Variants in TCAF1 observed in about 807,000 individuals in gnomAD.
TCAF1 encodes TRPM8 channel-associated factor 1.
A neutral mutation model predicts 27.3 loss-of-function variants in TCAF1; 4 were observed. The observed-to-expected ratio is 0.15, with a 90% confidence interval of 0.07 to 0.34. The LOEUF (loss-of-function observed/expected upper bound fraction) is 0.34. TCAF1 is among the 10% of genes least tolerant of loss of function. The probability of loss-of-function intolerance (pLI) is 1.00; values close to 1 mark genes in which losing one functional copy is unlikely to be tolerated. For missense variants in TCAF1, 257 were observed against 425.8 expected (o/e 0.60, Z 3.49); for synonymous variants, 105 against 167.1 (o/e 0.63, Z 2.87).
At chr7:143,901,755 C>T (rs1814124034) in intron 1 of TCAF1, among the ~76,000 whole-genome samples, 1 of 152,202 alleles carries the variant, frequency 6.6e-6, no homozygotes, top group South Asian at 2.1e-4. Flanking sequence ...GCCTCCTGCC[C>T]AGCAGAGGGC....
chr7:143,883,662 C>T (rs1431637016), intron 1 of TCAF1, among the ~76,000 whole-genome samples: 2 of 152,026 alleles, frequency 1.3e-5, no homozygotes, highest in East Asian at 1.9e-4. Context: ...CCCGCCATCA[C>T]GCCTGGCTAA....
intron 1 of TCAF1, among the ~76,000 whole-genome samples, chr7:143,890,846 A>G (rs1813609195): frequency 6.6e-6 from 1 of 152,160 alleles, no homozygotes; most frequent in African/African-American, 2.4e-5. Context: ...TTCCTAAGCT[A>G]TGCATGCAAT....
chr7:143,876,317 G>C lies in TCAF1; in HGVS notation c.292C>G (p.Leu98Val), dbSNP rs1812705027. 1 of 1,614,106 alleles carries C rather than the reference G, an allele frequency of 6.2e-7. No homozygotes were observed. The highest frequency in any genetic ancestry group is 8.5e-7 in the Non-Finnish European group (1 of 1,180,046). The change falls in exon 2 of 9, where the codon CTG (leucine) becomes GTG (valine). Residue 98 changes from leucine to valine, a missense_variant. Coordinates refer to ENST00000479870, the MANE Select transcript of TCAF1 (RefSeq NM_014719.3). ...TCGAGGATTTTGGCCAAAGGTGCCA[G>C]GGATGGGTGTACACCAATGGGAGCC... The part of the protein sequence containing the change: ...PGAPIGVHPS[L>V]APLAKILEGS...
rs1812680036 is a variant in TCAF1 at position 143,876,058 on chromosome 7, G to A, written c.551C>T (p.Thr184Ile). ...LVTSVAGIYFTDNKGDTSFFK... is the reference protein window; with the variant it reads ...LVTSVAGIYFIDNKGDTSFFK... ...GAAACTCGTGTCCCCTTTGTTGTCAGTAAAGTAAATGCCAGCCACACTGGT... is the reference window on the plus strand; with the variant it reads ...GAAACTCGTGTCCCCTTTGTTGTCAATAAAGTAAATGCCAGCCACACTGGT... The change falls in exon 2 of 9, where the codon ACT becomes ATT. Residue 184 changes from threonine (T) to isoleucine (I), a missense_variant. Physicochemically the swap from Thr to Ile is moderately conservative, Grantham distance 89 (BLOSUM62 -1). Transcript: ENST00000479870. 1.2e-6 allele frequency: 2 copies of A among 1,608,404 alleles called. No individual in the cohort carries two copies. Among genetic ancestry groups the A allele is most frequent in the Non-Finnish European group, 8.5e-7 (1 of 1,176,834 alleles).
intron 6 of TCAF1, among the ~76,000 whole-genome samples, 162 bp downstream of exon 6, chr7:143,860,046 T>TATATTATATATATA (rs1811937144): frequency 3.1e-5 from 2 of 64,262 alleles, no homozygotes; most frequent in Non-Finnish European, 5.3e-5. Context: ...TAATATATAA[T>TATATTATATATATA]ATATATTATA....
chr7:143,889,044 C>T (rs1813535862), intron 1 of TCAF1, among the ~76,000 whole-genome samples: 2 of 151,632 alleles, frequency 1.3e-5, no homozygotes, highest in Admixed American at 1.3e-4. Context: ...ATTGAAGAGA[C>T]TAAATAGAAG....
intron 1 of TCAF1, among the ~76,000 whole-genome samples, chr7:143,891,167 C>T (rs1813621108): frequency 6.6e-6 from 1 of 152,182 alleles, no homozygotes; most frequent in South Asian, 2.1e-4. Context: ...TATCTGCCCA[C>T]TTCCCCAAAA....
intron 1 of TCAF1, among the ~76,000 whole-genome samples, chr7:143,893,163 G>C (rs1328182856): frequency 6.6e-6 from 1 of 152,126 alleles, no homozygotes; most frequent in African/African-American, 2.4e-5. Flanking sequence ...CTGTCAGCAA[G>C]TGTTACTGTA....
rs137875797 is a variant in TCAF1 at position 143,876,933 on chromosome 7, G to C, written c.-14-311C>G. Among the ~76,000 whole-genome samples the C allele has an allele frequency of 1.2e-4, 19 of 152,292 alleles. No homozygotes were observed. In the East Asian group the frequency reaches 3.7e-3, roughly 29 times the overall value. Reference sequence around the variant, plus strand: ...AGATATTTTGAAGTCCTAACCCATAGGACTTATTTGGAAAGAGGTCTTCAC... The same window carrying C: ...AGATATTTTGAAGTCCTAACCCATACGACTTATTTGGAAAGAGGTCTTCAC... On this transcript the variant is annotated intron_variant, in intron 1 of 8. Transcript: ENST00000479870.
intron 2 of TCAF1, among the ~76,000 whole-genome samples, chr7:143,874,681 A>G (rs1812592160): frequency 1.3e-5 from 2 of 152,200 alleles, no homozygotes; most frequent in South Asian, 4.1e-4. Flanking sequence ...AAGAGAATTG[A>G]AAGGACATGC....
intron 1 of TCAF1, among the ~76,000 whole-genome samples, chr7:143,885,851 CTTG>C (rs1369021033): frequency 6.6e-6 from 1 of 152,088 alleles, no homozygotes; most frequent in Non-Finnish European, 1.5e-5. Flanking sequence ...AAGTGGATTA[CTTG>C]TTATTTTTTT....
chr7:143,885,436 C>G (rs970783417), intron 1 of TCAF1: 2 of 985,294 alleles, frequency 2.0e-6, no homozygotes, highest in Non-Finnish European at 2.4e-6. Context: ...GGCCGCCGCC[C>G]CCGGACCGCA....
chr7:143,879,818 C>A (rs539998989), intron 1 of TCAF1, among the ~76,000 whole-genome samples: 9 of 152,224 alleles, frequency 5.9e-5, no homozygotes, highest in Non-Finnish European at 1.2e-4. Flanking sequence ...CCCTGTAGCA[C>A]TGTCCCCAGC....
At chr7:143,880,638 A>C (rs77979312) in intron 1 of TCAF1, among the ~76,000 whole-genome samples, 19 of 152,342 alleles carry the variant, frequency 1.2e-4, no homozygotes, top group Admixed American at 5.2e-4. Flanking sequence ...CAGTTTTTAC[A>C]TGATGAGGTA....
chr7:143,877,827 A>G (rs1812798506), intron 1 of TCAF1, among the ~76,000 whole-genome samples: 1 of 152,040 alleles, frequency 6.6e-6, no homozygotes, highest in Non-Finnish European at 1.5e-5. Flanking sequence ...TTTATATCCA[A>G]CCTCTAGAAC....
Position 143,857,580 on chromosome 7 carries a change from A to G in TCAF1, c.2506-230T>C, listed in dbSNP as rs556136757. ...CGGTGTTCAACACCAAGTGGATACT[A>G]AATCAGTGAGGGCCATGGTAACAAC... On this transcript the variant is annotated intron_variant, in intron 7 of 8. Coordinates refer to ENST00000479870, the MANE Select transcript of TCAF1 (RefSeq NM_014719.3). Among the ~76,000 whole-genome samples the G allele has an allele frequency of 3.7e-3, 564 of 152,168 alleles. 1 individual carries two copies. Among genetic ancestry groups the G allele is most frequent in the African/African-American group, 0.012 (513 of 41,370 alleles).
chr7:143,891,576 C>G (rs936806784), intron 1 of TCAF1, among the ~76,000 whole-genome samples: 7 of 151,462 alleles, frequency 4.6e-5, no homozygotes, highest in Admixed American at 6.6e-5. Context: ...CCATACATAA[C>G]ATAAGAGGAA....
intron 1 of TCAF1, among the ~76,000 whole-genome samples, chr7:143,890,001 T>C (rs1235321456): frequency 6.6e-6 from 1 of 151,128 alleles, no homozygotes; most frequent in Non-Finnish European, 1.5e-5. Flanking sequence ...TTTTTCTTTT[T>C]TTTTTGAGAC....
At chr7:143,897,147 T>TATATATATATA (rs1554395709) in intron 1 of TCAF1, among the ~76,000 whole-genome samples, 25 of 86,990 alleles carry the variant, frequency 2.9e-4, no homozygotes, top group Admixed American at 1.7e-3. Flanking sequence ...TATATATATA[T>TATATATATATA]ATATATATAT....
Sources: gnomAD v4.1 joint callset for allele counts (sites outside exome capture counted in the v4.1 genomes callset) on GRCh38, gnomAD v4.1.1 for gene constraint, MANE v1.5 for transcripts, NCBI Gene and HGNC (gene_info 2026-07-23, HGNC 2026-07-21) for gene names.